The following TUBGCP5 variants were observed in gnomAD, a reference collection of about 807,000 sequenced individuals.
TUBGCP5 encodes tubulin gamma complex component 5, also known as gamma-tubulin complex component 5.
A neutral mutation model predicts 134.7 loss-of-function variants in TUBGCP5; 98 were observed. The ratio of observed to expected loss-of-function variants is 0.73; its 90% CI spans 0.62 to 0.86. TUBGCP5 has a LOEUF of 0.86. Among genes scored for constraint, TUBGCP5 ranks in the 40% least tolerant of loss-of-function variants. TUBGCP5 has a pLI of 0.00. For missense variants in TUBGCP5, 1,150 were observed against 1,244.8 expected (o/e 0.92, Z 1.15); for synonymous variants, 456 against 431.4 (o/e 1.06, Z -0.71).
In TUBGCP5 at chr15:23,021,947, A is replaced by G; in HGVS notation, c.1371+12T>C. On this transcript the variant is annotated intron_variant, in intron 11 of 22. Transcript: ENST00000615383. ...CATGGAGTCACACACTTTAGGCAGA[A>G]GTCTCACTTACGGTTTGCTCAGAGG... 1 of 1,613,694 alleles carries G rather than the reference A, an allele frequency of 6.2e-7. No individual in the cohort carries two copies. Among genetic ancestry groups the G allele is most frequent in the Non-Finnish European group, 8.5e-7 (1 of 1,179,608 alleles).
chr15:23,003,003 A>G, intron 21 of TUBGCP5, 62 bp downstream of exon 21: 1 of 1,561,458 alleles, frequency 6.4e-7, no homozygotes, highest in Non-Finnish European at 8.8e-7. Context: ...CTGTCTCTAA[A>G]AAAAAGGGAA....
intron 23 of TUBGCP5, among the ~76,000 whole-genome samples, chr15:22,989,276 C>A (rs78089522): frequency 0.026 from 3,976 of 152,274 alleles, 162 homozygotes; most frequent in East Asian, 0.18. Context: ...GAAGCTGGAG[C>A]TCTGCCTCAG....
downstream of TUBGCP5, among the ~76,000 whole-genome samples, chr15:22,998,188 G>A (rs1006324261): frequency 7.2e-5 from 11 of 151,918 alleles, no homozygotes; most frequent in South Asian, 2.1e-4. Flanking sequence ...GGTGGTGCAC[G>A]CCTGAGATCC....
chr15:23,025,556 G>T (rs5006363), intron 8 of TUBGCP5, among the ~76,000 whole-genome samples: 13,285 of 152,168 alleles, frequency 0.087, 1,052 homozygotes, highest in East Asian at 0.46. Flanking sequence ...AGTAGCTACC[G>T]GCGCGGTGGC....
chr15:23,033,221 TATTAATGAA>T (rs1367114919), intron 3 of TUBGCP5, among the ~76,000 whole-genome samples: 1 of 151,852 alleles, frequency 6.6e-6, no homozygotes, highest in Non-Finnish European at 1.5e-5. Flanking sequence ...ACCAGTCCCC[TATTAATGAA>T]ATTTAGATTT....
chr15:23,037,012 T>C lies in TUBGCP5; in HGVS notation c.201-7A>G. 6.3e-7 allele frequency: 1 copy of C among 1,595,782 alleles called. No individual in the cohort carries two copies. The highest frequency in any genetic ancestry group is 8.5e-7 in the Non-Finnish European group (1 of 1,171,696). ...GACAAATTTTTCATAAATTCTAAAA[T>C]ATAAGAAAAGATTATAAAGCTATCT... On this transcript the variant is annotated splice_polypyrimidine_tract_variant and splice_region_variant and intron_variant, in intron 2 of 22. Transcript: ENST00000615383.
At chr15:23,024,281 T>G in intron 9 of TUBGCP5, 88 bp from the exon 10 acceptor site, 1 of 1,485,584 alleles carries the variant, frequency 6.7e-7, no homozygotes, top group Non-Finnish European at 9.1e-7. Flanking sequence ...ATACTTCTTT[T>G]GCAATTGTTT....
At chr15:23,024,538 G>C (rs1307930840) in intron 9 of TUBGCP5, among the ~76,000 whole-genome samples, 199 bp downstream of exon 9, 1 of 151,976 alleles carries the variant, frequency 6.6e-6, no homozygotes, top group Non-Finnish European at 1.5e-5. Context: ...CAATATTAAG[G>C]AATCCTCTAC....
chr15:22,988,661 A>G (rs369751109), intron 23 of TUBGCP5, among the ~76,000 whole-genome samples: 6,631 of 149,890 alleles, frequency 0.044, 306 homozygotes, highest in African/African-American at 0.12. Context: ...GCGTGAACCT[A>G]GGAGGCAGAG....
chr15:23,027,217 A>C lies in TUBGCP5; in HGVS notation c.712T>G (p.Leu238Val). Residue 238 changes from leucine to valine, a missense_variant, in exon 7 of 23, where the codon TTG becomes GTG. Coordinates refer to ENST00000615383, the MANE Select transcript of TUBGCP5 (RefSeq NM_052903.6). ...RPSQFPHSLH[L>V]HSNLAAVWDQ... ...CAGACAGCAGCTAAATTAGAGTGCA[A>C]ATGTAAACTATGAGGAAACTGGGAG... 1 of 1,613,742 alleles carries C rather than the reference A, an allele frequency of 6.2e-7. No homozygotes were observed. Among genetic ancestry groups the C allele is most frequent in the African/African-American group, 1.3e-5 (1 of 75,026 alleles).
chr15:23,000,942 C>A (rs1005015507), intron 21 of TUBGCP5, among the ~76,000 whole-genome samples: 15 of 152,230 alleles, frequency 9.9e-5, no homozygotes, highest in African/African-American at 3.4e-4. Context: ...ACTCCCTTTT[C>A]CTTTATACAG....
chr15:22,992,319 C>T (rs1040906809), intron 23 of TUBGCP5, among the ~76,000 whole-genome samples: 1 of 152,114 alleles, frequency 6.6e-6, no homozygotes, highest in Non-Finnish European at 1.5e-5. Flanking sequence ...TTAGGTCCCT[C>T]CCAAACCTCC....
intron 7 of TUBGCP5, among the ~76,000 whole-genome samples, chr15:23,026,464 CAAGATG>C (rs1173198975): frequency 6.6e-6 from 1 of 152,002 alleles, no homozygotes; most frequent in East Asian, 1.9e-4. Flanking sequence ...TTCTGGAAAA[CAAGATG>C]TGTATTTTTG....
chr15:23,010,999 A>T, intron 14 of TUBGCP5, 134 bp downstream of exon 14: 1 of 849,460 alleles, frequency 1.2e-6, no homozygotes, highest in Non-Finnish European at 1.8e-6. Context: ...AAAAAAAAAA[A>T]AGGAAAAAGA....
rs1288595739 is a variant in TUBGCP5 at position 23,013,858 on chromosome 15, C to T, written c.1757-2527G>A. Among the ~76,000 whole-genome samples, 7 of 152,164 alleles carry T rather than the reference C, an allele frequency of 4.6e-5. No individual in the cohort carries two copies. Among genetic ancestry groups the T allele is most frequent in the African/African-American group, 1.7e-4 (7 of 41,442 alleles). On this transcript the variant is annotated intron_variant, in intron 13 of 22. Transcript: ENST00000615383. The surrounding 1 kb of genome is among the most constrained non-coding windows in gnomAD (Gnocchi z 4.5). The stretch of plus-strand genomic sequence containing the variant: ...CCTCTGGAGCACGCCCTCCTCTGGG[C>T]CAGTAGCTGCTGCACCTCTCCTGCA...
downstream of TUBGCP5, among the ~76,000 whole-genome samples, chr15:22,998,889 T>G: frequency 6.6e-6 from 1 of 152,272 alleles, no homozygotes; most frequent in East Asian, 1.9e-4. Flanking sequence ...AGTGCTGGGA[T>G]TACAGGGGTG....
rs2065011320 is a variant in TUBGCP5 at position 23,011,199 on chromosome 15, G to A, written c.1889C>T (p.Ser630Phe). The change falls in exon 14 of 23, where the codon TCC becomes TTC. Residue 630 changes from serine to phenylalanine, a missense_variant. Coordinates refer to ENST00000615383, the MANE Select transcript of TUBGCP5 (RefSeq NM_052903.6). The part of the protein sequence containing the change: ...ATKENLMKMQ[S>F]IAESHLELDD... ...CAGTTCAAGATGGCTTTCAGCAATG[G>A]ACTGCATCTTCATCAGGTTCTCCTT... is the stretch of plus-strand genomic sequence containing the variant. 1 of 1,613,954 alleles carries A rather than the reference G, an allele frequency of 6.2e-7. No homozygotes were observed.
downstream of TUBGCP5, among the ~76,000 whole-genome samples, chr15:22,997,607 A>AT (rs200532351): frequency 6.6e-6 from 1 of 150,466 alleles, no homozygotes; most frequent in African/African-American, 2.4e-5. Flanking sequence ...TAGCTTTCAT[A>AT]TTTTTTTTCT....
At chr15:23,032,948 G>A in intron 3 of TUBGCP5, 124 bp from the exon 4 acceptor site, 1 of 585,810 alleles carries the variant, frequency 1.7e-6, no homozygotes, top group African/African-American at 1.9e-5. Context: ...GAAAACATGA[G>A]TTATACCTAA....
Sources: gnomAD v4.1 joint callset for allele counts (sites outside exome capture counted in the v4.1 genomes callset) on GRCh38, gnomAD v4.1.1 for gene constraint, Gnocchi (gnomAD v3.1) non-coding constraint, MANE v1.5 for transcripts, NCBI Gene and HGNC (gene_info 2026-07-23, HGNC 2026-07-21) for gene names.